SPNS2: variants seen among roughly 807,000 people sequenced by gnomAD.
SPNS2 encodes SPNS lysolipid transporter 2, sphingosine-1-phosphate, also known as sphingosine-1-phosphate transporter SPNS2.
Under a neutral mutation model 57.6 loss-of-function variants are expected in SPNS2, and 37 were observed. The ratio of observed to expected loss-of-function variants is 0.64; its 90% CI spans 0.49 to 0.85. The LOEUF (loss-of-function observed/expected upper bound fraction) is 0.85. Among genes scored for constraint, SPNS2 ranks in the 40% least tolerant of loss-of-function variants. The probability of loss-of-function intolerance (pLI) is 0.00; values close to 1 mark genes in which losing one functional copy is unlikely to be tolerated. For synonymous variants in SPNS2, 440 were observed against 346.9 expected (o/e 1.27, Z -2.98); for missense variants, 831 against 779.1 (o/e 1.07, Z -0.79).
Position 4,512,758 on chromosome 17 carries a change from G to A in SPNS2, c.371-489G>A, listed in dbSNP as rs551372494. On this transcript the variant is annotated intron_variant, in intron 1 of 12. Coordinates refer to ENST00000329078, the MANE Select transcript of SPNS2 (RefSeq NM_001124758.3). This position sits in a 1 kb window ranked among gnomAD's most constrained non-coding sequence, Gnocchi z 5.2. Reference sequence around the variant, plus strand: ...TGTGTGTGCATGTACAGGTGTGTGCGTGTGTGTGCGAATGTGGTTGTGCAC... The same window carrying A: ...TGTGTGTGCATGTACAGGTGTGTGCATGTGTGTGCGAATGTGGTTGTGCAC... Among the ~76,000 whole-genome samples, 4 of 152,132 alleles carry A rather than the reference G, an allele frequency of 2.6e-5. No homozygotes were observed. Among genetic ancestry groups the A allele is most frequent in the East Asian group, 1.9e-4 (1 of 5,158 alleles).
chr17:4,503,896 C>T (rs960453294), intron 1 of SPNS2, among the ~76,000 whole-genome samples: 19 of 151,942 alleles, frequency 1.3e-4, no homozygotes, highest in African/African-American at 4.1e-4. Context: ...GGAACACAAG[C>T]CGAGAGGGAC....
rs1905623870 is a variant in SPNS2 at position 4,533,872 on chromosome 17, G to A, written c.1344+19G>A. On this transcript the variant is annotated intron_variant, in intron 9 of 12. Coordinates refer to ENST00000329078, the MANE Select transcript of SPNS2 (RefSeq NM_001124758.3). ...CCTCATGGTGAGCCAGGCAGGCCGA[G>A]GTCACCTTGTGCTGCTGACCCAGGC... 1 of 1,611,452 alleles carries A rather than the reference G, an allele frequency of 6.2e-7. No individual in the cohort carries two copies. The highest frequency in any genetic ancestry group is 1.3e-5 in the African/African-American group (1 of 74,928).
intron 3 of SPNS2, among the ~76,000 whole-genome samples, chr17:4,527,706 A>G (rs1905296841): frequency 6.6e-6 from 1 of 152,188 alleles, no homozygotes; most frequent in African/African-American, 2.4e-5. Context: ...CCCATTTCAC[A>G]CCCGTCAGAT....
intron 2 of SPNS2, among the ~76,000 whole-genome samples, chr17:4,523,757 C>G (rs1012844997): frequency 6.6e-6 from 1 of 152,120 alleles, no homozygotes; most frequent in African/African-American, 2.4e-5. Flanking sequence ...AATATAAAAT[C>G]GTGGCATCCA....
chr17:4,508,749 A>G (rs1434982835), intron 1 of SPNS2, among the ~76,000 whole-genome samples: 1 of 152,216 alleles, frequency 6.6e-6, no homozygotes, highest in Non-Finnish European at 1.5e-5. Flanking sequence ...ATGTGTCAAT[A>G]TGTGCATTGT....
rs764028868 is a variant in SPNS2, at chr17:4,532,695, CGGGAAGGGGTCTGGT to C, written c.935+18_935+32del. On this transcript the variant is annotated intron_variant, in intron 6 of 12. Coordinates refer to ENST00000329078, the MANE Select transcript of SPNS2 (RefSeq NM_001124758.3). The stretch of plus-strand genomic sequence containing the variant: ...GGCCCTGATTCGAAAGTGAGTACCG[CGGGAAGGGGTCTGGT>C]GGGAAGAGAGAGGGGTGCTGAGATG... 1.6e-5 allele frequency: 25 copies of C among 1,612,726 alleles called. No homozygotes were observed. Among genetic ancestry groups the C allele is most frequent in the Non-Finnish European group, 2.0e-5 (24 of 1,179,342 alleles).
At chr17:4,501,481 G>A (rs1249202508) in intron 1 of SPNS2, among the ~76,000 whole-genome samples, 1 of 152,116 alleles carries the variant, frequency 6.6e-6, no homozygotes, top group Non-Finnish European at 1.5e-5. Flanking sequence ...GGGGCAGTTA[G>A]GGAGGAAGGC....
intron 9 of SPNS2, among the ~76,000 whole-genome samples, chr17:4,534,721 T>A (rs796776270): frequency 6.6e-6 from 1 of 151,866 alleles, no homozygotes; most frequent in South Asian, 2.1e-4. Flanking sequence ...TGGGCTGCGG[T>A]GGTGGTGGGG....
At chr17:4,533,985 A>G (rs1597370405) in intron 9 of SPNS2, 132 bp downstream of exon 9, 2 of 856,704 alleles carry the variant, frequency 2.3e-6, no homozygotes, top group East Asian at 5.3e-5. Context: ...ACGTGAACCC[A>G]GAGGCAGGGA....
At chr17:4,532,111 C>T (rs1905504291) in intron 5 of SPNS2, among the ~76,000 whole-genome samples, 1 of 152,132 alleles carries the variant, frequency 6.6e-6, no homozygotes, top group Admixed American at 6.5e-5. Flanking sequence ...GTCCATCCAT[C>T]CACCATCCGT....
chr17:4,536,899 G>A lies in SPNS2; in HGVS notation c.1608-1G>A. ...CTGACCCCCGCCCGTCTCTCCCCCA[G>A]GGTGAACCAGCTGGCGATGCCGCCC... On this transcript the variant is annotated splice_acceptor_variant, in intron 11 of 12. Transcript: ENST00000329078. LOFTEE classifies it high-confidence loss of function. 6.2e-7 allele frequency: 1 copy of A among 1,613,404 alleles called. No individual in the cohort carries two copies. The highest frequency in any genetic ancestry group is 8.5e-7 in the Non-Finnish European group (1 of 1,179,736).
chr17:4,532,179 CGTCCATCCCTCCATCTATCTCT>C (rs1567595157), intron 5 of SPNS2, among the ~76,000 whole-genome samples: 3 of 152,000 alleles, frequency 2.0e-5, no homozygotes, highest in Admixed American at 6.6e-5. Context: ...TCCATCTATC[CGTCCATCCCTCCATCTATCTCT>C]GTCCATCTCT....
At chr17:4,500,006 A>AGGGGC (rs932612751) in intron 1 of SPNS2, among the ~76,000 whole-genome samples, 1 of 146,210 alleles carries the variant, frequency 6.8e-6, no homozygotes, top group African/African-American at 2.5e-5. Flanking sequence ...GAGCGGAGGG[A>AGGGGC]GGGGCGGGGC....
chr17:4,536,159 C>T lies in SPNS2; in HGVS notation c.1428C>T (p.Pro476=), dbSNP rs758996339. ...TSHLLGDAGS[P]YLIGFISDLI... ...ACCTGCTGGGGGACGCCGGGAGCCC[C>T]TACCTCATTGGCTTTGTGAGTAGCC... The change falls in exon 10 of 13, where the codon CCC becomes CCT. Residue 476 remains proline (P), a synonymous_variant. Coordinates refer to ENST00000329078, the MANE Select transcript of SPNS2 (RefSeq NM_001124758.3). 2.5e-6 allele frequency: 4 copies of T among 1,612,358 alleles called. No individual in the cohort carries two copies. Among genetic ancestry groups the T allele is most frequent in the South Asian group, 1.1e-5 (1 of 91,076 alleles).
intron 3 of SPNS2, among the ~76,000 whole-genome samples, chr17:4,526,374 G>A (rs1267241479): frequency 6.6e-6 from 1 of 152,136 alleles, no homozygotes; most frequent in African/African-American, 2.4e-5. Flanking sequence ...AGGCCAAGGC[G>A]GGTGGATCCC....
intron 3 of SPNS2, among the ~76,000 whole-genome samples, chr17:4,527,772 G>A (rs564816941): frequency 2.6e-4 from 39 of 152,296 alleles, no homozygotes; most frequent in African/African-American, 3.4e-4. Context: ...GTGGGGAATC[G>A]GGGACTCCAG....
chr17:4,527,472 G>A (rs1201086019), intron 3 of SPNS2, among the ~76,000 whole-genome samples: 1 of 152,216 alleles, frequency 6.6e-6, no homozygotes, highest in Middle Eastern at 3.2e-3. Flanking sequence ...AAACCATCTT[G>A]CAGAATAAAG....
chr17:4,502,613 A>G (rs558800340), intron 1 of SPNS2, among the ~76,000 whole-genome samples: 9 of 152,240 alleles, frequency 5.9e-5, no homozygotes, highest in African/African-American at 2.2e-4. Flanking sequence ...CCTTGAAGAC[A>G]TCACCTGAGC....
At chr17:4,514,113 G>A (rs866282599) in intron 2 of SPNS2, among the ~76,000 whole-genome samples, 13 of 152,386 alleles carry the variant, frequency 8.5e-5, no homozygotes, top group Middle Eastern at 6.8e-3. Flanking sequence ...CCATGTTGGC[G>A]ATGCTCTTAG....
Sources: gnomAD v4.1 joint callset for allele counts (sites outside exome capture counted in the v4.1 genomes callset) on GRCh38, gnomAD v4.1.1 for gene constraint, Gnocchi (gnomAD v3.1) non-coding constraint, MANE v1.5 for transcripts, NCBI Gene and HGNC (gene_info 2026-07-23, HGNC 2026-07-21) for gene names.